Variants in EXT1 observed in about 807,000 individuals in gnomAD.
The protein encoded by EXT1 is exostosin-1.
EXT1 carries 20 observed loss-of-function variants against 82.5 expected under a neutral mutation model. The observed-to-expected ratio is 0.24, with a 90% CI of 0.17 to 0.35. The LOEUF (loss-of-function observed/expected upper bound fraction) is 0.35, where lower values mean the gene tolerates loss of function less well. EXT1 is among the 10% of genes least tolerant of loss of function. The pLI is 1.00. For synonymous variants in EXT1, 348 were observed against 350.8 expected (o/e 0.99, Z 0.09); for missense variants, 757 against 936.5 (o/e 0.81, Z 2.50).
chr8:117,936,140 G>C (rs994793222), intron 1 of EXT1, among the ~76,000 whole-genome samples: 2 of 152,166 alleles, frequency 1.3e-5, no homozygotes, highest in African/African-American at 4.8e-5. Flanking sequence ...TTTGTGCAAA[G>C]AAAACAAAAG....
At chr8:117,968,446 A>G (rs989725247) in intron 1 of EXT1, among the ~76,000 whole-genome samples, 3 of 152,056 alleles carry the variant, frequency 2.0e-5, no homozygotes, top group Non-Finnish European at 2.9e-5. Flanking sequence ...AAATGAGGCA[A>G]TAAGTATCAC....
chr8:117,969,776 T>C (rs1251828889), intron 1 of EXT1, among the ~76,000 whole-genome samples: 1 of 152,208 alleles, frequency 6.6e-6, no homozygotes, highest in Non-Finnish European at 1.5e-5. Context: ...TTATTGAATA[T>C]TTCCACCTCC....
At chr8:117,932,965 G>A (rs535336888) in intron 1 of EXT1, among the ~76,000 whole-genome samples, 11 of 151,982 alleles carry the variant, frequency 7.2e-5, no homozygotes, top group Non-Finnish European at 1.5e-4. Context: ...CATCTTCCCC[G>A]TGCTCACTCC....
At chr8:117,816,447 C>CT (rs1232517560) in intron 7 of EXT1, among the ~76,000 whole-genome samples, 2 of 152,120 alleles carry the variant, frequency 1.3e-5, no homozygotes, top group Non-Finnish European at 2.9e-5. Flanking sequence ...GAGCCTGAAG[C>CT]AAGACTTAAG....
In EXT1 at chr8:118,080,901, C is replaced by T. The variant is rs185851714; in HGVS notation, c.962+29184G>A. On this transcript the variant is annotated intron_variant, in intron 1 of 10. Transcript: ENST00000378204. ...TAATTAACACATCATCTCTCCATGT[C>T]TCAGCTTCCTCATAACCCTACTCTT... 2.4e-3 allele frequency among the ~76,000 whole-genome samples: 369 copies of T among 152,248 alleles called. 1 individual carries two copies. The highest frequency in any genetic ancestry group is 8.5e-3 in the African/African-American group (352 of 41,536).
rs186214786 is a variant in EXT1, at chr8:118,033,626, G to A, written c.962+76459C>T. Among the ~76,000 whole-genome samples, 3 of 152,192 alleles carry A rather than the reference G, an allele frequency of 2.0e-5. No homozygotes were observed. The East Asian group carries it at 5.8e-4, about 29-fold the overall frequency. ...CTCAATTAGCTGGAACTACAGGTGT[G>A]CACCACCACACCTGGCTAATTTTTT... On this transcript the variant is annotated intron_variant, in intron 1 of 10. Coordinates refer to ENST00000378204, the MANE Select transcript of EXT1 (RefSeq NM_000127.3).
chr8:117,999,507 C>T (rs1435431760), intron 1 of EXT1, among the ~76,000 whole-genome samples: 5 of 152,156 alleles, frequency 3.3e-5, no homozygotes, highest in Non-Finnish European at 7.4e-5. Flanking sequence ...CTCCTAGTAC[C>T]ATTCTGATCA....
chr8:118,065,693 TA>T (rs1816972897), intron 1 of EXT1, among the ~76,000 whole-genome samples: 1 of 152,228 alleles, frequency 6.6e-6, no homozygotes. Context: ...AAGGTAGTTT[TA>T]GTCATTCACA....
At chr8:117,802,371 C>T (rs1285040203) in intron 10 of EXT1, among the ~76,000 whole-genome samples, 1 of 152,154 alleles carries the variant, frequency 6.6e-6, no homozygotes, top group Non-Finnish European at 1.5e-5. Context: ...TCATGCACCA[C>T]ATAATGACAT....
intron 2 of EXT1, among the ~76,000 whole-genome samples, chr8:117,836,492 T>C (rs925990963): frequency 2.0e-5 from 3 of 151,934 alleles, no homozygotes; most frequent in African/African-American, 4.8e-5. Context: ...ATGAGAGAGG[T>C]TGAGGGCATG....
At chr8:117,929,655 T>C (rs1366931857) in intron 1 of EXT1, among the ~76,000 whole-genome samples, 1 of 152,190 alleles carries the variant, frequency 6.6e-6, no homozygotes, top group Non-Finnish European at 1.5e-5. Flanking sequence ...ACATAGGGGA[T>C]GAGACTGAAG....
intron 1 of EXT1, among the ~76,000 whole-genome samples, chr8:117,917,056 G>A (rs1243572086): frequency 6.6e-6 from 1 of 152,174 alleles, no homozygotes; most frequent in East Asian, 1.9e-4. Context: ...TACCAAAATT[G>A]TAATATCAGT....
intron 1 of EXT1, among the ~76,000 whole-genome samples, chr8:117,978,240 G>A (rs185776984): frequency 2.0e-5 from 3 of 152,220 alleles, no homozygotes; most frequent in African/African-American, 7.2e-5. Flanking sequence ...AAATGTGAAT[G>A]TCTGGCAAAC....
At position 117,797,893 on chromosome 8, in the gene EXT1, G is replaced by A. The variant is rs559617731; in HGVS notation, c.*1819C>T. 1.3e-5 allele frequency: 2 copies of A among 152,314 alleles called. No homozygotes were observed. Among genetic ancestry groups the A allele is most frequent in the South Asian group, 2.1e-4 (1 of 4,824 alleles). 9.4% of individuals were successfully genotyped at this position (152,314 alleles called of 1,614,324 possible). ...GAGCTGTTCTGAGTCATGAGGCTGA[G>A]GAGAAAATCCTCTCTTTAATTGAAT... On this transcript the variant is annotated 3_prime_UTR_variant, in exon 11 of 11. Coordinates refer to ENST00000378204, the MANE Select transcript of EXT1 (RefSeq NM_000127.3).
At chr8:118,007,522 G>A (rs988607077) in intron 1 of EXT1, among the ~76,000 whole-genome samples, 1 of 152,208 alleles carries the variant, frequency 6.6e-6, no homozygotes, top group African/African-American at 2.4e-5. Context: ...TTCATACCTA[G>A]GTGATATATT....
chr8:117,830,529 A>G (rs2129773089), intron 3 of EXT1, among the ~76,000 whole-genome samples, 180 bp from the exon 4 acceptor site: 1 of 152,370 alleles, frequency 6.6e-6, no homozygotes, highest in South Asian at 2.1e-4. Flanking sequence ...AGCTGCAAAG[A>G]GCACTTACTG....
chr8:118,023,180 A>G (rs1334606785), intron 1 of EXT1, among the ~76,000 whole-genome samples: 1 of 152,256 alleles, frequency 6.6e-6, no homozygotes. Flanking sequence ...CTTTTGTATT[A>G]TCAGGAAAAA....
At chr8:118,076,582 G>A (rs1817215645) in intron 1 of EXT1, among the ~76,000 whole-genome samples, 2 of 152,168 alleles carry the variant, frequency 1.3e-5, no homozygotes, top group Admixed American at 1.3e-4. Flanking sequence ...CTCATGCCCA[G>A]AAGCAATGCA....
intron 1 of EXT1, among the ~76,000 whole-genome samples, chr8:118,025,230 C>G (rs897908964): frequency 1.3e-5 from 2 of 152,122 alleles, no homozygotes; most frequent in East Asian, 3.9e-4. Context: ...AAACAAAACT[C>G]TACAGATGAA....
Sources: allele counts gnomAD v4.1 joint callset (sites outside exome capture counted in the v4.1 genomes callset), GRCh38; gene constraint gnomAD v4.1.1; transcripts MANE v1.5; gene names NCBI Gene and HGNC (gene_info 2026-07-23, HGNC 2026-07-21).